Variants in MACROD2 observed in about 807,000 individuals in gnomAD.
MACROD2 encodes the protein ADP-ribose glycohydrolase MACROD2.
Under a neutral mutation model 70.4 loss-of-function variants are expected in MACROD2, and 36 were observed. The observed-to-expected ratio is 0.51, with a 90% CI of 0.39 to 0.68. MACROD2 has a LOEUF of 0.68. Ranked by LOEUF, MACROD2 falls within the 30% of genes least tolerant of loss-of-function variation. The pLI is 0.00. For synonymous variants in MACROD2, 172 were observed against 178.8 expected (o/e 0.96, Z 0.30); for missense variants, 496 against 538.4 (o/e 0.92, Z 0.78).
intron 8 of MACROD2, among the ~76,000 whole-genome samples, chr20:15,838,911 A>G (rs2064142323): frequency 2.1e-5 from 3 of 143,246 alleles, no homozygotes; most frequent in African/African-American, 8.5e-5. Flanking sequence ...GGTACAATGG[A>G]AAGCCCAGAC....
chr20:15,500,602 T>C (rs982412299), intron 8 of MACROD2, among the ~76,000 whole-genome samples: 1 of 152,214 alleles, frequency 6.6e-6, no homozygotes. Context: ...GTTATTCACA[T>C]AAGGGCTATA....
chr20:16,026,146 T>G (rs776577681), intron 15 of MACROD2, among the ~76,000 whole-genome samples: 39 of 144,760 alleles, frequency 2.7e-4, no homozygotes, highest in Non-Finnish European at 4.3e-4. Flanking sequence ...AGAGCAAAAC[T>G]CCATCTCAAA....
chr20:14,851,683 C>G (rs984646096), intron 5 of MACROD2, among the ~76,000 whole-genome samples: 7 of 152,038 alleles, frequency 4.6e-5, no homozygotes, highest in African/African-American at 1.7e-4. Context: ...GTACACGGAT[C>G]TAGGATAAAA....
At chr20:14,860,866 A>G (rs184178670) in intron 5 of MACROD2, among the ~76,000 whole-genome samples, 76 of 152,234 alleles carry the variant, frequency 5.0e-4, no homozygotes, top group African/African-American at 1.8e-3. Context: ...TGGCTATTTT[A>G]GAAAACATAC....
chr20:15,315,181 A>G (rs1472239625), intron 6 of MACROD2, among the ~76,000 whole-genome samples: 1 of 152,256 alleles, frequency 6.6e-6, no homozygotes, highest in African/African-American at 2.4e-5. Flanking sequence ...ATGTATGTAT[A>G]TGTAATACAC....
intron 8 of MACROD2, among the ~76,000 whole-genome samples, chr20:15,685,103 CTG>C (rs1250993584): frequency 6.6e-6 from 1 of 152,032 alleles, no homozygotes; most frequent in Non-Finnish European, 1.5e-5. Flanking sequence ...AATAGAGTCT[CTG>C]TGATATGTGC....
At chr20:14,999,603 C>T (rs2074977070) in intron 5 of MACROD2, among the ~76,000 whole-genome samples, 1 of 152,008 alleles carries the variant, frequency 6.6e-6, no homozygotes, top group South Asian at 2.1e-4. Flanking sequence ...CCACTGCTCC[C>T]CAACCTGGGT....
intron 5 of MACROD2, among the ~76,000 whole-genome samples, chr20:15,193,273 T>C (rs1279218957): frequency 6.6e-6 from 1 of 152,214 alleles, no homozygotes; most frequent in Admixed American, 6.5e-5. Context: ...CAAATTAACT[T>C]GGCAGAAAGA....
At chr20:15,087,914 T>A (rs372764221) in intron 5 of MACROD2, among the ~76,000 whole-genome samples, 1 of 152,000 alleles carries the variant, frequency 6.6e-6, no homozygotes, top group Non-Finnish European at 1.5e-5. Context: ...TATAAAGATA[T>A]GTTTAACCTT....
At chr20:14,179,693 T>C (rs1218437952) in intron 3 of MACROD2, among the ~76,000 whole-genome samples, 1 of 152,132 alleles carries the variant, frequency 6.6e-6, no homozygotes, top group Non-Finnish European at 1.5e-5. Flanking sequence ...ATAGGCTTGT[T>C]TGGGGACGTT....
At chr20:14,961,015 G>A (rs2074578707) in intron 5 of MACROD2, among the ~76,000 whole-genome samples, 2 of 152,096 alleles carry the variant, frequency 1.3e-5, no homozygotes, top group African/African-American at 4.8e-5. Flanking sequence ...ATAACACCTG[G>A]CATCTTTATG....
At chr20:14,330,225 T>A (rs1335409522) in intron 3 of MACROD2, among the ~76,000 whole-genome samples, 4 of 152,004 alleles carry the variant, frequency 2.6e-5, no homozygotes, top group African/African-American at 9.7e-5. Context: ...ACTAAAGAGA[T>A]CATTGAATTT....
chr20:15,593,709 G>C (rs939153578), intron 8 of MACROD2, among the ~76,000 whole-genome samples: 1 of 152,160 alleles, frequency 6.6e-6, no homozygotes, highest in East Asian at 1.9e-4. Flanking sequence ...TCAGTATTTT[G>C]CTTTCATCTG....
At chr20:14,828,994 C>A (rs569156757) in intron 5 of MACROD2, among the ~76,000 whole-genome samples, 1 of 148,398 alleles carries the variant, frequency 6.7e-6, no homozygotes, top group East Asian at 2.0e-4. Context: ...CAAAGGTAAA[C>A]GTGTGCCATG....
At chr20:14,388,219 C>T (rs1025200739) in intron 3 of MACROD2, among the ~76,000 whole-genome samples, 4 of 151,824 alleles carry the variant, frequency 2.6e-5, no homozygotes, top group East Asian at 1.9e-4. Flanking sequence ...TCACTGTGTT[C>T]GCCAGGATGG....
At chr20:15,649,795 T>C (rs1214974868) in intron 8 of MACROD2, among the ~76,000 whole-genome samples, 2 of 152,186 alleles carry the variant, frequency 1.3e-5, no homozygotes, top group Non-Finnish European at 2.9e-5. Flanking sequence ...GGGTGTGTAT[T>C]ATTGCAAAGC....
At position 15,640,591 on chromosome 20, in the gene MACROD2, T is replaced by G. The variant is rs532304654; in HGVS notation, c.645+140744T>G. Among the ~76,000 whole-genome samples, 13 of 152,350 alleles carry G rather than the reference T, an allele frequency of 8.5e-5. No homozygotes were observed. The South Asian group carries it at 2.1e-3, about 24-fold the overall frequency. On this transcript the variant is annotated intron_variant, in intron 8 of 17. Coordinates refer to ENST00000684519, the MANE Select transcript of MACROD2 (RefSeq NM_001351661.2). Reference sequence around the variant, plus strand: ...TGCCCATGCAGAGAACATAGTCATGTGGCCTTTCTTGTTTTATCATCCCTT... The same window carrying G: ...TGCCCATGCAGAGAACATAGTCATGGGGCCTTTCTTGTTTTATCATCCCTT...
chr20:15,528,740 G>A (rs1358458382), intron 8 of MACROD2, among the ~76,000 whole-genome samples: 1 of 146,308 alleles, frequency 6.8e-6, no homozygotes, highest in African/African-American at 2.6e-5. Context: ...TTTTTTTTCA[G>A]TTCCTTTACC....
intron 3 of MACROD2, among the ~76,000 whole-genome samples, chr20:14,220,651 A>G (rs528546174): frequency 1.1e-3 from 171 of 152,292 alleles, no homozygotes; most frequent in Non-Finnish European, 1.7e-3. Context: ...CTGGGGTGCC[A>G]GGCAGGAATG....
Sources: allele counts gnomAD v4.1 joint callset (sites outside exome capture counted in the v4.1 genomes callset), GRCh38; gene constraint gnomAD v4.1.1; transcripts MANE v1.5; gene names NCBI Gene and HGNC (gene_info 2026-07-23, HGNC 2026-07-21).